Variants in ZNF521 observed in about 807,000 individuals in gnomAD.
ZNF521 encodes LYST-interacting protein 3.
A neutral mutation model predicts 105.5 loss-of-function variants in ZNF521; 14 were observed. That is an observed-to-expected ratio of 0.13 (90% confidence interval 0.09 to 0.21). The LOEUF (loss-of-function observed/expected upper bound fraction) is 0.21, where lower values mean the gene tolerates loss of function less well. Ranked by LOEUF, ZNF521 falls within the 10% of genes least tolerant of loss-of-function variation. The probability of loss-of-function intolerance (pLI) is 1.00; values close to 1 mark genes in which losing one functional copy is unlikely to be tolerated. For missense variants in ZNF521, 1,233 were observed against 1,629.7 expected, an observed-to-expected ratio of 0.76 and a Z score of 4.19; for synonymous variants, 635 against 606.0, an observed-to-expected ratio of 1.05 and a Z score of -0.70.
At chr18:25,346,794 T>C (rs934235227) in intron 2 of ZNF521, among the ~76,000 whole-genome samples, 9 of 152,198 alleles carry the variant, frequency 5.9e-5, no homozygotes, top group African/African-American at 2.2e-4. Flanking sequence ...TTCCCACCAC[T>C]CCTCTCCAGA....
intron 5 of ZNF521, among the ~76,000 whole-genome samples, chr18:25,164,248 C>T (rs1195454896): frequency 6.6e-6 from 1 of 152,098 alleles, no homozygotes; most frequent in Non-Finnish European, 1.5e-5. Context: ...AGGGCTGTCC[C>T]CGGAGTGGGT....
intron 5 of ZNF521, among the ~76,000 whole-genome samples, chr18:25,182,175 C>G (rs2035642863): frequency 6.6e-6 from 1 of 152,110 alleles, no homozygotes; most frequent in Admixed American, 6.5e-5. Context: ...CAAAAATAGC[C>G]TAAGTGACCT....
intron 3 of ZNF521, among the ~76,000 whole-genome samples, chr18:25,303,249 A>T (rs1403901828): frequency 6.6e-6 from 1 of 151,708 alleles, no homozygotes; most frequent in African/African-American, 2.4e-5. Context: ...TGTGAAAAAA[A>T]AAAGAAACTC....
chr18:25,247,704 C>A (rs2144829942), intron 3 of ZNF521, among the ~76,000 whole-genome samples: 1 of 152,240 alleles, frequency 6.6e-6, no homozygotes, highest in South Asian at 2.1e-4. Flanking sequence ...AGAGACAGAG[C>A]TGTTGAAGGA....
chr18:25,088,442 A>G (rs565015132), intron 7 of ZNF521, among the ~76,000 whole-genome samples: 29 of 151,714 alleles, frequency 1.9e-4, no homozygotes, highest in Non-Finnish European at 3.7e-4. Flanking sequence ...GATGGTATCG[A>G]TCTCCTGACC....
At chr18:25,107,576 C>CA (rs1409177560) in intron 5 of ZNF521, among the ~76,000 whole-genome samples, 1 of 152,172 alleles carries the variant, frequency 6.6e-6, no homozygotes, top group African/African-American at 2.4e-5. Flanking sequence ...CAAGAGTCTT[C>CA]AAGCTGGGTA....
chr18:25,252,132 T>G (rs923222539), intron 3 of ZNF521, among the ~76,000 whole-genome samples: 1 of 152,164 alleles, frequency 6.6e-6, no homozygotes, highest in Non-Finnish European at 1.5e-5. Flanking sequence ...TTAGCACCCC[T>G]CTTACTGCTC....
chr18:25,117,090 C>CACACACACACAA (rs56408075), intron 5 of ZNF521, among the ~76,000 whole-genome samples: 1 of 143,004 alleles, frequency 7.0e-6, no homozygotes. Context: ...CACATACACA[C>CACACACACACAA]ATCCTTAATT....
rs115042437 is a variant in ZNF521 at position 25,296,074 on chromosome 18, G to A, written c.220+25934C>T. Among the ~76,000 whole-genome samples, 976 of 152,246 alleles carry A rather than the reference G, an allele frequency of 6.4e-3. 10 individuals carry two copies. Among genetic ancestry groups the A allele is most frequent in the African/African-American group, 0.019 (786 of 41,562 alleles). ...CACAGACAACACAGAAATAGCTGAA[G>A]GTATGCCCTTCTATTCACTTCCTTA... On this transcript the variant is annotated intron_variant, in intron 3 of 7. Coordinates refer to ENST00000361524, the MANE Select transcript of ZNF521 (RefSeq NM_015461.3).
chr18:25,111,074 T>G (rs62082234), intron 5 of ZNF521, among the ~76,000 whole-genome samples: 39,279 of 151,822 alleles, frequency 0.26, 6,190 homozygotes, highest in Non-Finnish European at 0.35. Context: ...ATTTTCCTTT[T>G]ATTTAGCAGG....
chr18:25,119,634 A>G (rs912985079), intron 5 of ZNF521, among the ~76,000 whole-genome samples: 1 of 152,134 alleles, frequency 6.6e-6, no homozygotes, highest in Non-Finnish European at 1.5e-5. Context: ...AAGGAAAGAT[A>G]CTGAAAATTT....
At chr18:25,270,152 C>T (rs1030860300) in intron 3 of ZNF521, among the ~76,000 whole-genome samples, 2 of 152,148 alleles carry the variant, frequency 1.3e-5, no homozygotes, top group African/African-American at 4.8e-5. Context: ...ATACTATAAA[C>T]ATCTCTATGC....
chr18:25,102,168 C>T (rs2033978597), intron 5 of ZNF521, among the ~76,000 whole-genome samples: 1 of 152,108 alleles, frequency 6.6e-6, no homozygotes, highest in South Asian at 2.1e-4. Flanking sequence ...ACTCCTAATG[C>T]TCAGAGAAAT....
intron 2 of ZNF521, among the ~76,000 whole-genome samples, chr18:25,350,308 G>A (rs1355920788): frequency 1.3e-5 from 2 of 151,686 alleles, no homozygotes; most frequent in African/African-American, 2.4e-5. Context: ...TCTGAGGCCC[G>A]AGCCGGGGTC....
chr18:25,338,939 T>C (rs1914048189), intron 2 of ZNF521, among the ~76,000 whole-genome samples: 2 of 152,166 alleles, frequency 1.3e-5, no homozygotes, highest in Admixed American at 1.3e-4. Context: ...ATCAAGTATT[T>C]AGAGAGCATT....
intron 3 of ZNF521, among the ~76,000 whole-genome samples, chr18:25,289,688 T>C (rs1227906959): frequency 6.6e-6 from 1 of 152,206 alleles, no homozygotes; most frequent in Non-Finnish European, 1.5e-5. Flanking sequence ...GTGTCCAAGA[T>C]TTACTTGGTC....
chr18:25,304,973 T>A (rs534411004), intron 3 of ZNF521, among the ~76,000 whole-genome samples: 1 of 152,340 alleles, frequency 6.6e-6, no homozygotes, highest in Admixed American at 6.5e-5. Context: ...CAGCAAAAGA[T>A]GTGAATATAG....
chr18:25,200,765 C>A (rs2144652415), intron 4 of ZNF521, among the ~76,000 whole-genome samples: 1 of 152,172 alleles, frequency 6.6e-6, no homozygotes, highest in South Asian at 2.1e-4. Context: ...TCTAGCAAAG[C>A]TTTTATTTAA....
intron 5 of ZNF521, among the ~76,000 whole-genome samples, chr18:25,120,973 C>T (rs2034428810): frequency 1.3e-5 from 2 of 152,114 alleles, no homozygotes; most frequent in African/African-American, 4.8e-5. Flanking sequence ...GTCATCTATG[C>T]TCTCAAGTTT....
Sources: allele counts gnomAD v4.1 joint callset (sites outside exome capture counted in the v4.1 genomes callset), GRCh38; gene constraint gnomAD v4.1.1; transcripts MANE v1.5; gene names NCBI Gene and HGNC (gene_info 2026-07-23, HGNC 2026-07-21).